XRN1: variants seen among roughly 807,000 people sequenced by gnomAD.
XRN1 encodes the protein strand-exchange protein 1 homolog.
In XRN1, 67 loss-of-function variants were observed where a neutral mutation model predicts 222.3. The observed-to-expected ratio is 0.30, with a 90% CI of 0.25 to 0.37. The LOEUF (loss-of-function observed/expected upper bound fraction) is 0.37. Among genes scored for constraint, XRN1 ranks in the 10% least tolerant of loss-of-function variants. The pLI is 1.00. For missense variants in XRN1, 1,707 were observed against 2,000.2 expected (o/e 0.85, Z 2.80); for synonymous variants, 643 against 652.4 (o/e 0.99, Z 0.22).
rs1450009571 is a variant in XRN1 at position 142,315,288 on chromosome 3, A to G, written c.4622-2530T>C. Among the ~76,000 whole-genome samples, 5 of 151,644 alleles carry G rather than the reference A, an allele frequency of 3.3e-5. No individual in the cohort carries two copies. In the East Asian group the frequency reaches 9.7e-4, roughly 29 times the overall value. The stretch of plus-strand genomic sequence containing the variant: ...ACTGTACTGCACTGGCATTCCTTTG[A>G]CTATATAAACAATGTTTTGTTTTGG... On this transcript the variant is annotated intron_variant, in intron 39 of 40. Transcript: ENST00000392981.
intron 20 of XRN1, among the ~76,000 whole-genome samples, chr3:142,396,752 C>T (rs1326644712): frequency 6.6e-6 from 1 of 152,120 alleles, no homozygotes; most frequent in East Asian, 1.9e-4. Context: ...GCCAGCCTCT[C>T]GTATTCTGCT....
intron 14 of XRN1, among the ~76,000 whole-genome samples, chr3:142,413,609 A>G (rs2068673814): frequency 6.6e-6 from 1 of 152,204 alleles, no homozygotes; most frequent in South Asian, 2.1e-4. Context: ...AATTTTGGTA[A>G]CCTTATCAAC....
At chr3:142,350,306 A>T (rs2066269121) in intron 32 of XRN1, among the ~76,000 whole-genome samples, 1 of 152,248 alleles carries the variant, frequency 6.6e-6, no homozygotes, top group African/African-American at 2.4e-5. Flanking sequence ...CTCTGAGGAG[A>T]GAGAGTATTC....
chr3:142,413,736 T>G (rs1437841663), intron 14 of XRN1, among the ~76,000 whole-genome samples: 1 of 152,216 alleles, frequency 6.6e-6, no homozygotes, highest in African/African-American at 2.4e-5. Flanking sequence ...GTACTGCTGT[T>G]GGGATAAATG....
At position 142,351,155 on chromosome 3, in the gene XRN1, A is replaced by T. The variant is rs2066294080; in HGVS notation, c.3769-3813T>A. On this transcript the variant is annotated intron_variant, in intron 32 of 40. Transcript: ENST00000392981. The stretch of plus-strand genomic sequence containing the variant: ...TATGTATCTATCTATGTATCTATGT[A>T]TCTATCTATCTATCTATCTATGGAA... Among the ~76,000 whole-genome samples the T allele has an allele frequency of 3.9e-5, 6 of 151,946 alleles. No homozygotes were observed. The South Asian group carries it at 1.2e-3, about 31-fold the overall frequency.
chr3:142,348,781 ACT>A (rs1357677452), intron 32 of XRN1, among the ~76,000 whole-genome samples: 1 of 151,936 alleles, frequency 6.6e-6, no homozygotes, highest in Non-Finnish European at 1.5e-5. Flanking sequence ...AACACTCAAG[ACT>A]CTTCAGTTTT....
At chr3:142,440,360 T>C (rs1577457655) in intron 1 of XRN1, among the ~76,000 whole-genome samples, 1 of 152,102 alleles carries the variant, frequency 6.6e-6, no homozygotes, top group East Asian at 1.9e-4. Flanking sequence ...TAGGGGTCAT[T>C]ATACACCTGA....
At chr3:142,398,293 C>CATATAAACATATAAACATA (rs1050628343) in intron 19 of XRN1, among the ~76,000 whole-genome samples, 4 of 151,094 alleles carry the variant, frequency 2.6e-5, no homozygotes, top group African/African-American at 7.3e-5. Context: ...TCCTAAGAGA[C>CATATAAACATATAAACATA]TAAACATATA....
chr3:142,341,207 G>A (rs2065983688), intron 33 of XRN1, among the ~76,000 whole-genome samples: 1 of 152,132 alleles, frequency 6.6e-6, no homozygotes, highest in Non-Finnish European at 1.5e-5. Context: ...TATGCAAGCA[G>A]TGTTGTTAAG....
rs1476544558 is a variant in XRN1 at position 142,318,675 on chromosome 3, A to G, written c.4538T>C (p.Phe1513Ser). ...LQQLGSLGMNFPLPSQVFANY... is the reference protein window; with the variant it reads ...LQQLGSLGMNSPLPSQVFANY... ...TGCAAATACTTGTGAAGGCAAAGGG[A>G]AATTCATGCCTAAGGAGCCCTGTGG... The change falls in exon 39 of 41, where the codon TTC becomes TCC. Residue 1513 changes from phenylalanine to serine, a missense_variant. By Grantham distance (155) the Phe-to-Ser change is radical (BLOSUM62 -2). Around this residue, in one of 2 missense-constraint regions of XRN1, gnomAD observed 473 missense variants for 482.0 expected, o/e 0.98. Transcript: ENST00000392981. The G allele has an allele frequency of 2.5e-6, 4 of 1,609,578 alleles. No homozygotes were observed. In the South Asian group the frequency reaches 3.3e-5, roughly 13 times the overall value.
intron 40 of XRN1, among the ~76,000 whole-genome samples, chr3:142,312,292 A>G (rs2065098929): frequency 6.6e-6 from 1 of 152,050 alleles, no homozygotes; most frequent in Non-Finnish European, 1.5e-5. Flanking sequence ...AAAAATGAAT[A>G]ATAATAATAA....
intron 1 of XRN1, among the ~76,000 whole-genome samples, chr3:142,446,734 G>A (rs925472100): frequency 6.6e-6 from 1 of 151,902 alleles, no homozygotes; most frequent in Admixed American, 6.6e-5. Context: ...GCCCTCCCCG[G>A]GGGAAAAAAA....
chr3:142,435,077 G>A (rs1390436377), intron 1 of XRN1: 3 of 152,126 alleles, frequency 2.0e-5, no homozygotes, highest in Admixed American at 2.0e-4. Context: ...ATGACAAAAC[G>A]TAGGGAAATG....
chr3:142,385,950 T>C (rs1289003120), intron 20 of XRN1, among the ~76,000 whole-genome samples: 4 of 151,248 alleles, frequency 2.6e-5, no homozygotes, highest in African/African-American at 9.7e-5. Flanking sequence ...AAAAATAGTA[T>C]ATAATATAGA....
intron 37 of XRN1, among the ~76,000 whole-genome samples, chr3:142,325,633 GTTGA>G (rs2065494726): frequency 6.6e-6 from 1 of 151,894 alleles, no homozygotes; most frequent in African/African-American, 2.4e-5. Flanking sequence ...TTTTCACTTT[GTTGA>G]TTGTTTCCTT....
chr3:142,335,030 G>A (rs921508536), intron 34 of XRN1, among the ~76,000 whole-genome samples: 1 of 151,474 alleles, frequency 6.6e-6, no homozygotes. Context: ...TAGTAGAGAC[G>A]GGGTTTTACC....
At chr3:142,326,733 T>C (rs1244708139) in intron 37 of XRN1, among the ~76,000 whole-genome samples, 1 of 152,128 alleles carries the variant, frequency 6.6e-6, no homozygotes, top group Non-Finnish European at 1.5e-5. Flanking sequence ...ATTTCATTTT[T>C]CCCCCATTCA....
intron 10 of XRN1, 75 bp downstream of exon 10, chr3:142,420,941 G>A: frequency 6.3e-7 from 1 of 1,583,336 alleles, no homozygotes; most frequent in Non-Finnish European, 8.6e-7. Context: ...TCATAAGAAG[G>A]AAAATGAGAA....
In XRN1 at chr3:142,422,651, A is replaced by C; in HGVS notation, c.898T>G (p.Leu300Val). 1 of 1,613,558 alleles carries C rather than the reference A, an allele frequency of 6.2e-7. No homozygotes were observed. Among genetic ancestry groups the C allele is most frequent in the Non-Finnish European group, 8.5e-7 (1 of 1,179,626 alleles). Residue 300 changes from leucine (L) to valine (V), a missense_variant, in exon 8 of 41, where the codon TTA (leucine) becomes GTA (valine). Leu to Val is a conservative substitution (Grantham distance 32). Coordinates refer to ENST00000392981, the MANE Select transcript of XRN1 (RefSeq NM_001282857.2). Reference sequence around the variant, plus strand: ...GGCAGTGCATCATGATTAATATGTAAATGAGGTAGATGAGGGATAAAATCA... The same window carrying C: ...GGCAGTGCATCATGATTAATATGTACATGAGGTAGATGAGGGATAAAATCA... Reference protein sequence around the residue: ...GNDFIPHLPHLHINHDALPLL... With the variant: ...GNDFIPHLPHVHINHDALPLL...
Sources: gnomAD v4.1 joint callset for allele counts (sites outside exome capture counted in the v4.1 genomes callset) on GRCh38, gnomAD v4.1.1 for gene constraint, gnomAD v4.1.1 regional missense constraint, MANE v1.5 for transcripts, NCBI Gene and HGNC (gene_info 2026-07-23, HGNC 2026-07-21) for gene names.